The following ADGRE5 variants were observed in gnomAD, a reference collection of about 807,000 sequenced individuals.
ADGRE5 encodes CD97 molecule.
Under a neutral mutation model 100.3 loss-of-function variants are expected in ADGRE5, and 72 were observed. The ratio of observed to expected loss-of-function variants is 0.72; its 90% CI spans 0.59 to 0.87. ADGRE5 has a LOEUF of 0.87. Among genes scored for constraint, ADGRE5 ranks in the 40% least tolerant of loss-of-function variants. The pLI, the probability that ADGRE5 is intolerant of heterozygous loss-of-function variation, is 0.00. For synonymous variants in ADGRE5, 439 were observed against 447.8 expected, an observed-to-expected ratio of 0.98 and a Z score of 0.25; for missense variants, 959 against 1,094.7, an observed-to-expected ratio of 0.88 and a Z score of 1.75.
In ADGRE5 at chr19:14,406,106, T is replaced by TA. The variant is rs1976220796; in HGVS notation, c.1821+170dup. On this transcript the variant is annotated intron_variant, in intron 14 of 19. Transcript: ENST00000242786. This position sits in a 1 kb window ranked among gnomAD's most constrained non-coding sequence, Gnocchi z 6.0. ...CCACCGGGGGGTCGGGTTGTCTCTT[T>TA]AAAGGGCGCTGGCTTTGGAGCTGCC... 6.6e-6 allele frequency among the ~76,000 whole-genome samples: 1 copy of TA among 152,084 alleles called. No homozygotes were observed. Among genetic ancestry groups the TA allele is most frequent in the Admixed American group, 6.5e-5 (1 of 15,282 alleles).
chr19:14,405,725 T>G (rs1254994647), intron 13 of ADGRE5, 23 bp from the exon 14 acceptor site: 2 of 1,591,862 alleles, frequency 1.3e-6, no homozygotes. Flanking sequence ...GAAGGAACCC[T>G]GAGCACCCGG....
At chr19:14,393,370 A>C (rs181125128) in intron 4 of ADGRE5, among the ~76,000 whole-genome samples, 1 of 152,338 alleles carries the variant, frequency 6.6e-6, no homozygotes, top group Non-Finnish European at 1.5e-5. Context: ...CGCAGAGGCC[A>C]CAGCCTTTGC....
intron 4 of ADGRE5, among the ~76,000 whole-genome samples, chr19:14,396,085 A>G (rs1339709964): frequency 6.6e-6 from 1 of 152,200 alleles, no homozygotes; most frequent in East Asian, 1.9e-4. Context: ...GCTGGGACAC[A>G]GATGGCTGGG....
At chr19:14,381,830 G>C (rs1418275437) in intron 1 of ADGRE5, among the ~76,000 whole-genome samples, 1 of 151,638 alleles carries the variant, frequency 6.6e-6, no homozygotes, top group Non-Finnish European at 1.5e-5. Flanking sequence ...CCTAAGAGGG[G>C]AAACTGAGGC....
intron 1 of ADGRE5, among the ~76,000 whole-genome samples, chr19:14,387,032 A>C (rs1211779181): frequency 6.6e-6 from 1 of 151,990 alleles, no homozygotes; most frequent in Non-Finnish European, 1.5e-5. Context: ...AAATAAAATA[A>C]ATAAATAAAT....
intron 14 of ADGRE5, 46 bp downstream of exon 14, chr19:14,405,985 C>A: frequency 1.3e-6 from 2 of 1,540,722 alleles, no homozygotes; most frequent in Non-Finnish European, 1.8e-6. Flanking sequence ...GTCAGGGAGG[C>A]CTGGGAGGGG....
chr19:14,408,702 AATT>A lies in ADGRE5; in HGVS notation c.*583_*585del. 1.7e-6 allele frequency: 1 copy of A among 573,382 alleles called. No individual in the cohort carries two copies. The highest frequency in any genetic ancestry group is 2.9e-6 in the Non-Finnish European group (1 of 340,918). The allele number at this position is 573,382 out of a possible 1,614,324, so 35.5% of individuals were successfully genotyped here. ...AAAATTTTTCAGTGTTGACACTTAA[AATT>A]AAACACATGCATACAGAAGATGGCC... On this transcript the variant is annotated 3_prime_UTR_variant, in exon 20 of 20. Coordinates refer to ENST00000242786, the MANE Select transcript of ADGRE5 (RefSeq NM_078481.4).
Position 14,402,874 on chromosome 19 carries a change from C to T in ADGRE5, c.1449+12C>T, listed in dbSNP as rs1976072483. 1 of 1,613,296 alleles carries T rather than the reference C, an allele frequency of 6.2e-7. No homozygotes were observed. The highest frequency in any genetic ancestry group is 8.5e-7 in the Non-Finnish European group (1 of 1,179,576). On this transcript the variant is annotated intron_variant, in intron 12 of 19. Transcript: ENST00000242786. ...ACCCTCCTGCCAAGGTCTCTGCTCA[C>T]TCTGCTCACTTCCTCAAAGATAACC...
rs773430355 is a variant in ADGRE5 at position 14,388,443 on chromosome 19, G to A, written c.23-7G>A. 2 of 1,591,434 alleles carry A rather than the reference G, an allele frequency of 1.3e-6. No individual in the cohort carries two copies. Among genetic ancestry groups the A allele is most frequent in the South Asian group, 2.2e-5 (2 of 89,260 alleles). Reference sequence around the variant, plus strand: ...CCCTCTGACCCCCTTTCCTTTCTCTGTTGCAGCATTCTGTGTCTGGCTGAC... The same window carrying A: ...CCCTCTGACCCCCTTTCCTTTCTCTATTGCAGCATTCTGTGTCTGGCTGAC... On this transcript the variant is annotated splice_region_variant and splice_polypyrimidine_tract_variant and intron_variant, in intron 1 of 19. Transcript: ENST00000242786.
At chr19:14,384,817 C>T (rs1241138724) in intron 1 of ADGRE5, among the ~76,000 whole-genome samples, 6 of 151,708 alleles carry the variant, frequency 4.0e-5, no homozygotes, top group Admixed American at 3.3e-4. Context: ...CTGTCTGTCT[C>T]TATCTCTCCG....
rs1976207470 is a variant in ADGRE5, at chr19:14,405,888, C to T, written c.1770C>T (p.Leu590=). ...TTIHLHLCIC[L]FVGSTIFLAG... The stretch of plus-strand genomic sequence containing the variant: ...TACACCTGCACCTCTGCATCTGCCT[C>T]TTCGTGGGCTCCACCATCTTCCTGG... Residue 590 remains leucine, a synonymous_variant, in exon 14 of 20, where the codon CTC becomes CTT. Coordinates refer to ENST00000242786, the MANE Select transcript of ADGRE5 (RefSeq NM_078481.4). 1 of 1,611,840 alleles carries T rather than the reference C, an allele frequency of 6.2e-7. No homozygotes were observed. The highest frequency in any genetic ancestry group is 1.3e-5 in the African/African-American group (1 of 74,950).
Position 14,405,960 on chromosome 19 carries a change from C to T in ADGRE5, c.1821+21C>T, listed in dbSNP as rs1386415519. 6 of 1,590,740 alleles carry T rather than the reference C, an allele frequency of 3.8e-6. No homozygotes were observed. The Admixed American group carries it at 6.8e-5, about 18-fold the overall frequency. The stretch of plus-strand genomic sequence containing the variant: ...GCCAGGTGAGGTCCCGCCCCGCTCC[C>T]TCCTGAGCTCTGGGGTCAGGGAGGC... On this transcript the variant is annotated intron_variant, in intron 14 of 19. Coordinates refer to ENST00000242786, the MANE Select transcript of ADGRE5 (RefSeq NM_078481.4).
intron 4 of ADGRE5, among the ~76,000 whole-genome samples, chr19:14,392,128 G>T (rs1051480974): frequency 1.3e-5 from 2 of 150,156 alleles, no homozygotes; most frequent in Non-Finnish European, 3.0e-5. Flanking sequence ...AAAAAGATAG[G>T]TTGGGTGCCA....
chr19:14,392,543 C>T (rs1245599405), intron 4 of ADGRE5, among the ~76,000 whole-genome samples: 1 of 152,144 alleles, frequency 6.6e-6, no homozygotes, highest in Non-Finnish European at 1.5e-5. Flanking sequence ...AGGTTACTTT[C>T]ACCTTGTTAA....
intron 1 of ADGRE5, among the ~76,000 whole-genome samples, chr19:14,383,994 T>A (rs1975247513): frequency 6.6e-6 from 1 of 151,740 alleles, no homozygotes. Context: ...CCTCCTAGAG[T>A]GGTTCTGAGC....
chr19:14,407,202 C>T lies in ADGRE5; in HGVS notation c.2349C>T (p.Tyr783=), dbSNP rs774293595. The T allele has an allele frequency of 1.2e-6, 2 of 1,614,086 alleles. No homozygotes were observed. The highest frequency in any genetic ancestry group is 1.7e-6 in the Non-Finnish European group (2 of 1,180,008). ...ILNCLQGAFL[Y]LLHCLLNKKV... ...ACTGCCTGCAGGGCGCCTTCCTCTA[C>T]CTGCTGCACTGCCTGCTCAACAAGA... The change falls in exon 18 of 20, where the codon TAC becomes TAT. Residue 783 remains tyrosine (Y), a synonymous_variant. Coordinates refer to ENST00000242786, the MANE Select transcript of ADGRE5 (RefSeq NM_078481.4).
intron 3 of ADGRE5, 144 bp downstream of exon 3, chr19:14,388,962 C>T (rs113423501): frequency 2.7e-5 from 23 of 853,864 alleles, no homozygotes; most frequent in Middle Eastern, 2.5e-4. Context: ...AGAGGGCAGG[C>T]GTGGTGGCTC....
intron 18 of ADGRE5, 53 bp from the exon 19 acceptor site, chr19:14,407,855 C>T (rs938455427): frequency 2.7e-5 from 39 of 1,446,966 alleles, no homozygotes; most frequent in African/African-American, 2.1e-4. Flanking sequence ...TGGGGAGGAG[C>T]GTGCATGGTC....
chr19:14,395,908 T>C (rs1038208253), intron 4 of ADGRE5, among the ~76,000 whole-genome samples: 1 of 152,184 alleles, frequency 6.6e-6, no homozygotes, highest in African/African-American at 2.4e-5. Flanking sequence ...AGCATCCTGC[T>C]AGGGCCACCA....
Sources: allele counts gnomAD v4.1 joint callset (sites outside exome capture counted in the v4.1 genomes callset), GRCh38; gene constraint gnomAD v4.1.1; non-coding constraint Gnocchi (gnomAD v3.1); transcripts MANE v1.5; gene names NCBI Gene and HGNC (gene_info 2026-07-23, HGNC 2026-07-21).